PCDHGA12: variants seen among roughly 807,000 people sequenced by gnomAD.
The protein encoded by PCDHGA12 is protocadherin gamma subfamily A, 12.
PCDHGA12 carries 43 observed loss-of-function variants against 61.1 expected under a neutral mutation model. The ratio of observed to expected loss-of-function variants is 0.70; its 90% CI spans 0.55 to 0.91. The LOEUF (loss-of-function observed/expected upper bound fraction) is 0.91. Among genes scored for constraint, PCDHGA12 ranks in the 40% least tolerant of loss-of-function variants. The pLI, the probability that PCDHGA12 is intolerant of heterozygous loss-of-function variation, is 0.00. For synonymous variants in PCDHGA12, 520 were observed against 542.9 expected, an observed-to-expected ratio of 0.96 and a Z score of 0.59; for missense variants, 1,236 against 1,227.7, an observed-to-expected ratio of 1.01 and a Z score of -0.10.
intron 1 of PCDHGA12, chr5:141,478,588 T>G (rs2099465964): frequency 6.3e-7 from 1 of 1,575,000 alleles, no homozygotes; most frequent in African/African-American, 1.4e-5. Flanking sequence ...TAGTGCTTTT[T>G]TATTCCTACA....
At chr5:141,450,134 G>A (rs1267554616) in intron 1 of PCDHGA12, among the ~76,000 whole-genome samples, 1 of 151,424 alleles carries the variant, frequency 6.6e-6, no homozygotes, top group East Asian at 2.0e-4. Context: ...AGCCTCCTGA[G>A]TAGCTGGGAC....
At chr5:141,502,866 C>CTTT (rs549047197) in intron 2 of PCDHGA12, among the ~76,000 whole-genome samples, 3 of 128,046 alleles carry the variant, frequency 2.3e-5, no homozygotes, top group African/African-American at 9.3e-5. Context: ...GACTCTCTGT[C>CTTT]TTTTTTTTTT....
Position 141,433,042 on chromosome 5 carries a change from G to A in PCDHGA12, c.2283G>A (p.Thr761=), listed in dbSNP as rs752612411. 6.2e-6 allele frequency: 10 copies of A among 1,614,142 alleles called. No individual in the cohort carries two copies. The highest frequency in any genetic ancestry group is 7.6e-6 in the Non-Finnish European group (9 of 1,180,026). ...QTYSHEVSLT[T]DSRKSHLIFP... ...ATTCCCACGAGGTTTCCCTCACCAC[G>A]GACTCGCGGAAGAGTCACCTGATCT... Residue 761 remains threonine (T), a synonymous_variant, in exon 1 of 4, where the codon ACG becomes ACA. Coordinates refer to ENST00000252085, the MANE Select transcript of PCDHGA12 (RefSeq NM_003735.3).
chr5:141,443,172 C>T (rs1454734622), intron 1 of PCDHGA12, among the ~76,000 whole-genome samples: 1 of 152,176 alleles, frequency 6.6e-6, no homozygotes, highest in Non-Finnish European at 1.5e-5. Flanking sequence ...CTACCCATGT[C>T]CACTGCATCA....
rs61612330 is a variant in PCDHGA12, at chr5:141,454,796, A to ATTTTTTTTTTTTTTTTTTTTTTT, written c.2424+21620_2424+21642dup. Among the ~76,000 whole-genome samples, 6 of 77,456 alleles carry ATTTTTTTTTTTTTTTTTTTTTTT rather than the reference A, an allele frequency of 7.7e-5. 1 individual carries two copies. The highest frequency in any genetic ancestry group is 8.0e-4 in the East Asian group (2 of 2,512). 50.8% of individuals were successfully genotyped at this position (77,456 alleles called of 152,430 possible). Reference sequence around the variant, plus strand: ...AAGGAAATAATCCTCCATGGTTCTAATTTTTTTTTTTTTTTTTTTTTTTTT... The same window carrying ATTTTTTTTTTTTTTTTTTTTTTT: ...AAGGAAATAATCCTCCATGGTTCTAATTTTTTTTTTTTTTTTTTTTTTTTTTTTTTTTTTTTTTTTTTTTTTTT... On this transcript the variant is annotated intron_variant, in intron 1 of 3. Transcript: ENST00000252085.
intron 1 of PCDHGA12, among the ~76,000 whole-genome samples, chr5:141,450,322 T>A (rs1246284108): frequency 6.6e-6 from 1 of 152,106 alleles, no homozygotes; most frequent in African/African-American, 2.4e-5. Context: ...CTAGTTGCCA[T>A]GTCTCTTTAA....
Position 141,430,729 on chromosome 5 carries a change from G to T in PCDHGA12, c.-31G>T. On this transcript the variant is annotated 5_prime_UTR_variant, in exon 1 of 4. Coordinates refer to ENST00000252085, the MANE Select transcript of PCDHGA12 (RefSeq NM_003735.3). ...CTCCTGACTTCAGTGGTTAAGGGCAGAATTGAAAATAATTCTGGAGGAAGA... is the reference window on the plus strand; with the variant it reads ...CTCCTGACTTCAGTGGTTAAGGGCATAATTGAAAATAATTCTGGAGGAAGA... 1 of 1,499,360 alleles carries T rather than the reference G, an allele frequency of 6.7e-7. No homozygotes were observed. Among genetic ancestry groups the T allele is most frequent in the East Asian group, 2.3e-5 (1 of 42,896 alleles). 92.9% of individuals were successfully genotyped at this position (1,499,360 alleles called of 1,614,324 possible).
chr5:141,438,623 TATATATATATATACAC>T (rs1207200307), intron 1 of PCDHGA12, among the ~76,000 whole-genome samples: 21 of 42,842 alleles, frequency 4.9e-4, no homozygotes, highest in South Asian at 2.6e-3. Flanking sequence ...TATATATATA[TATATATATATATACAC>T]ACACACACAC....
rs765751691 is a variant in PCDHGA12 at position 141,431,363 on chromosome 5, C to G, written c.604C>G (p.Arg202Gly). The G allele has an allele frequency of 6.2e-7, 1 of 1,614,024 alleles. No individual in the cohort carries two copies. The highest frequency in any genetic ancestry group is 2.2e-5 in the East Asian group (1 of 44,882). ...PELVLKRALD[R>G]EEKAAHHLVL... ...ATTGGTGCTGAAACGCGCCCTGGAC[C>G]GCGAAGAAAAGGCTGCTCACCACCT... is the stretch of plus-strand genomic sequence containing the variant. The change falls in exon 1 of 4, where the codon CGC becomes GGC. Residue 202 changes from arginine to glycine, a missense_variant. Transcript: ENST00000252085. This position sits in a 1 kb window ranked among gnomAD's most constrained non-coding sequence, Gnocchi z 4.8.
intron 3 of PCDHGA12, among the ~76,000 whole-genome samples, chr5:141,510,553 A>G (rs1471878583): frequency 6.6e-6 from 1 of 152,162 alleles, no homozygotes; most frequent in Non-Finnish European, 1.5e-5. Context: ...TGTTTTGAGC[A>G]CTTACATCTA....
Position 141,489,934 on chromosome 5 carries a change from G to A in PCDHGA12, c.2425-4873G>A, listed in dbSNP as rs777780708. 1.7e-5 allele frequency: 28 copies of A among 1,614,176 alleles called. No homozygotes were observed. Among genetic ancestry groups the A allele is most frequent in the East Asian group, 6.7e-5 (3 of 44,876 alleles). On this transcript the variant is annotated intron_variant, in intron 1 of 3. Coordinates refer to ENST00000252085, the MANE Select transcript of PCDHGA12 (RefSeq NM_003735.3). This position sits in a 1 kb window ranked among gnomAD's most constrained non-coding sequence, Gnocchi z 4.5. ...AGGGACCACCCTTATCTCTGTCATCGTGCTGGACATCAATGATAATGCTCC... is the reference window on the plus strand; with the variant it reads ...AGGGACCACCCTTATCTCTGTCATCATGCTGGACATCAATGATAATGCTCC...
At position 141,485,010 on chromosome 5, in the gene PCDHGA12, C is replaced by T; in HGVS notation, c.2425-9797C>T. 1 of 629,958 alleles carries T rather than the reference C, an allele frequency of 1.6e-6. No homozygotes were observed. The highest frequency in any genetic ancestry group is 2.9e-6 in the Non-Finnish European group (1 of 350,608). 39.0% of individuals were successfully genotyped at this position (629,958 alleles called of 1,614,324 possible). On this transcript the variant is annotated intron_variant, in intron 1 of 3. Coordinates refer to ENST00000252085, the MANE Select transcript of PCDHGA12 (RefSeq NM_003735.3). This position sits in a 1 kb window ranked among gnomAD's most constrained non-coding sequence, Gnocchi z 5.7. ...GTGGTGAAAGGCAGACAAATCTACC[C>T]CGCCACCAGCAAAAACGGCGCGTAA...
chr5:141,447,427 C>T (rs752438597), intron 1 of PCDHGA12, among the ~76,000 whole-genome samples: 2 of 152,174 alleles, frequency 1.3e-5, no homozygotes, highest in Non-Finnish European at 2.9e-5. Context: ...CGTGAGCCAC[C>T]GCACCCGGAG....
In PCDHGA12 at chr5:141,476,742, G is replaced by C. The variant is rs1015622831; in HGVS notation, c.2425-18065G>C. 8.7e-6 allele frequency: 14 copies of C among 1,613,936 alleles called. No homozygotes were observed. Among genetic ancestry groups the C allele is most frequent in the Non-Finnish European group, 1.1e-5 (13 of 1,180,032 alleles). On this transcript the variant is annotated intron_variant, in intron 1 of 3. Transcript: ENST00000252085. The surrounding 1 kb of genome is among the most constrained non-coding windows in gnomAD (Gnocchi z 7.6). ...GCCCTGGACCGAGAACGGGAGCCTA[G>C]TCTCCAGTTAGTGCTGACGGCGTTG...
intron 1 of PCDHGA12, among the ~76,000 whole-genome samples, chr5:141,451,854 C>T (rs1243479409): frequency 6.6e-6 from 1 of 152,058 alleles, no homozygotes; most frequent in Non-Finnish European, 1.5e-5. Flanking sequence ...CCACTCCAGC[C>T]TAGGCCACAG....
rs976135607 is a variant in PCDHGA12 at position 141,489,115 on chromosome 5, C to A, written c.2425-5692C>A. ...CTAAGAACTGCTGCAAGCAGGCAAA[C>A]CTCCGAGCAGTTTTTAAGAGGCTGG... On this transcript the variant is annotated intron_variant, in intron 1 of 3. Coordinates refer to ENST00000252085, the MANE Select transcript of PCDHGA12 (RefSeq NM_003735.3). This position sits in a 1 kb window ranked among gnomAD's most constrained non-coding sequence, Gnocchi z 4.5. 7.3e-5 allele frequency: 37 copies of A among 506,794 alleles called. No homozygotes were observed. Among genetic ancestry groups the A allele is most frequent in the Non-Finnish European group, 1.2e-4 (35 of 298,604 alleles). 31.4% of individuals were successfully genotyped at this position (506,794 alleles called of 1,614,324 possible).
chr5:141,481,730 G>A (rs778885944), intron 1 of PCDHGA12, among the ~76,000 whole-genome samples: 1 of 151,952 alleles, frequency 6.6e-6, no homozygotes, highest in African/African-American at 2.4e-5. Context: ...GAGGCGGGCG[G>A]ATCACGAGGT....
chr5:141,449,475 C>T (rs1351574160), intron 1 of PCDHGA12, among the ~76,000 whole-genome samples: 8 of 150,696 alleles, frequency 5.3e-5, no homozygotes, highest in African/African-American at 1.9e-4. Flanking sequence ...GGCCTGGTAC[C>T]CCATGCCTAA....
At chr5:141,435,446 G>A (rs889481920) in intron 1 of PCDHGA12, among the ~76,000 whole-genome samples, 12 of 152,060 alleles carry the variant, frequency 7.9e-5, no homozygotes, top group Admixed American at 6.6e-4. Context: ...TCATTAATAC[G>A]ATATCTGTAT....
Sources: gnomAD v4.1 joint callset for allele counts (sites outside exome capture counted in the v4.1 genomes callset) on GRCh38, gnomAD v4.1.1 for gene constraint, Gnocchi (gnomAD v3.1) non-coding constraint, MANE v1.5 for transcripts, NCBI Gene and HGNC (gene_info 2026-07-23, HGNC 2026-07-21) for gene names.